RBPJ: variants seen among roughly 807,000 people sequenced by gnomAD.
RBPJ encodes the protein recombination signal binding protein for immunoglobulin kappa J region.
RBPJ carries 9 observed loss-of-function variants against 67.8 expected under a neutral mutation model. The ratio of observed to expected loss-of-function variants is 0.13; its 90% CI spans 0.08 to 0.23. The LOEUF is 0.23. Ranked by LOEUF, RBPJ falls within the 10% of genes least tolerant of loss-of-function variation. The probability of loss-of-function intolerance (pLI) is 1.00; values close to 1 mark genes in which losing one functional copy is unlikely to be tolerated. For synonymous variants in RBPJ, 198 were observed against 203.3 expected (o/e 0.97, Z 0.22); for missense variants, 305 against 595.6 (o/e 0.51, Z 5.08).
At chr4:26,330,681 G>A (rs1211635439) in intron 1 of RBPJ, among the ~76,000 whole-genome samples, 2 of 152,170 alleles carry the variant, frequency 1.3e-5, no homozygotes, top group Non-Finnish European at 2.9e-5. Flanking sequence ...TTAAAGTGAG[G>A]CATGATGGTT....
At chr4:26,401,886 TC>T (rs1732851985) in intron 2 of RBPJ, among the ~76,000 whole-genome samples, 1 of 148,850 alleles carries the variant, frequency 6.7e-6, no homozygotes, top group Non-Finnish European at 1.5e-5. Flanking sequence ...TTTCTTTCTT[TC>T]TTTTTTTTTT....
intron 1 of RBPJ, among the ~76,000 whole-genome samples, chr4:26,185,026 T>TAGCTACTCG (rs1717181509): frequency 6.6e-6 from 1 of 151,332 alleles, no homozygotes. Context: ...CCTGTAATCC[T>TAGCTACTCG]AGCTACTCGG....
chr4:26,279,608 C>G (rs548089013), intron 1 of RBPJ, among the ~76,000 whole-genome samples: 3 of 152,078 alleles, frequency 2.0e-5, no homozygotes, highest in East Asian at 1.9e-4. Flanking sequence ...CACAAATTCC[C>G]GTGGTTGCTT....
intron 1 of RBPJ, among the ~76,000 whole-genome samples, chr4:26,244,403 A>ATGTGTACACATG (rs1560226517): frequency 0.15 from 172 of 1,180 alleles, 50 homozygotes; most frequent in Non-Finnish European, 0.17. Context: ...GTATGCACAT[A>ATGTGTACACATG]TGTGTGTATA....
upstream of RBPJ, among the ~76,000 whole-genome samples, chr4:26,315,167 A>AAAAATATATATATATAT (rs1325689348): frequency 1.3e-5 from 1 of 74,764 alleles, no homozygotes; most frequent in African/African-American, 6.7e-5. Flanking sequence ...AAAAAAAAAA[A>AAAAATATATATATATAT]ATATATATAT....
intron 1 of RBPJ, among the ~76,000 whole-genome samples, chr4:26,223,154 C>CAA (rs549173084): frequency 7.8e-4 from 78 of 99,632 alleles, no homozygotes; most frequent in African/African-American, 1.7e-3. Context: ...GACACTGTCT[C>CAA]AAAAAAAAAA....
the RBPJ span, among the ~76,000 whole-genome samples, chr4:26,154,467 G>A: frequency 6.6e-6 from 1 of 152,160 alleles, no homozygotes; most frequent in African/African-American, 2.4e-5. Flanking sequence ...TTTTCTGCCT[G>A]CTCTTGCCCT....
upstream of RBPJ, chr4:26,319,826 T>C: frequency 1.3e-6 from 2 of 1,563,388 alleles, no homozygotes; most frequent in Non-Finnish European, 1.8e-6. Flanking sequence ...CGGGAGGCAG[T>C]GCTGGATCTG....
intron 1 of RBPJ, among the ~76,000 whole-genome samples, chr4:26,346,373 A>G (rs1014579804): frequency 6.6e-6 from 1 of 152,198 alleles, no homozygotes; most frequent in Admixed American, 6.5e-5. Context: ...TGGGTCAGGT[A>G]TGACGTTTAC....
rs7658865 is a variant in RBPJ at position 26,165,865 on chromosome 4, C to G, written c.-167+2251C>G. 1.2e-3 allele frequency among the ~76,000 whole-genome samples: 142 copies of G among 123,036 alleles called. 2 individuals carry two copies. The highest frequency in any genetic ancestry group is 4.5e-3 in the African/African-American group (133 of 29,310). 80.7% of individuals were successfully genotyped at this position (123,036 alleles called of 152,430 possible). The stretch of plus-strand genomic sequence containing the variant: ...ATGTCTCCTAATGCTATCCCTCCCC[C>G]CTCCCCCCACCCCACAACAGTCCCC... On this transcript the variant is annotated intron_variant, in intron 1 of 4. Coordinates refer to the RBPJ transcript ENST00000512351.
At chr4:26,160,191 TACAGGCGTGAGCC>T (rs939118168), upstream of RBPJ, among the ~76,000 whole-genome samples, 31 of 152,194 alleles carry the variant, frequency 2.0e-4, no homozygotes, top group Non-Finnish European at 4.3e-4. Flanking sequence ...GTGCTGGGAT[TACAGGCGTGAGCC>T]ACCGTGCCCA....
At chr4:26,270,405 GAAAGAAAGAAAGAAAGAAAGAAA>G (rs1720859648) in intron 1 of RBPJ, among the ~76,000 whole-genome samples, 3 of 58,842 alleles carry the variant, frequency 5.1e-5, no homozygotes, top group Non-Finnish European at 1.3e-4. Flanking sequence ...AAGAAAGAAA[GAAAGAAAGAAAGAAAGAAAGAAA>G]GAAAGAAAGA....
chr4:26,260,917 A>G (rs1160999755), intron 1 of RBPJ, among the ~76,000 whole-genome samples: 1 of 152,158 alleles, frequency 6.6e-6, no homozygotes, highest in Non-Finnish European at 1.5e-5. Flanking sequence ...ACTGCTTGCT[A>G]TAATTACTTT....
chr4:26,164,056 T>A (rs572701749), intron 1 of RBPJ, among the ~76,000 whole-genome samples: 1 of 152,386 alleles, frequency 6.6e-6, no homozygotes, highest in East Asian at 1.9e-4. Context: ...TTAGATGTTT[T>A]CTTTTAAATA....
Position 26,298,487 on chromosome 4 carries a change from C to T in RBPJ, c.-166-63959C>T, listed in dbSNP as rs530962940. 1.1e-4 allele frequency among the ~76,000 whole-genome samples: 17 copies of T among 152,194 alleles called. 1 individual carries two copies. In the South Asian group the frequency reaches 2.9e-3, roughly 26 times the overall value. ...ATGGGTTGCAGTTTTACAAACTCCA[C>T]GGGGGATCTGCACGAGATGGGCAAA... On this transcript the variant is annotated intron_variant, in intron 1 of 4. Transcript: ENST00000512351.
chr4:26,285,433 T>C (rs913176978), intron 1 of RBPJ, among the ~76,000 whole-genome samples: 1 of 152,076 alleles, frequency 6.6e-6, no homozygotes, highest in African/African-American at 2.4e-5. Context: ...TCCTGCCACC[T>C]CTAGTATAAG....
At chr4:26,224,537 C>T (rs1205890461) in intron 1 of RBPJ, among the ~76,000 whole-genome samples, 4 of 152,042 alleles carry the variant, frequency 2.6e-5, no homozygotes, top group Admixed American at 6.6e-5. Flanking sequence ...AGGAACTTCC[C>T]GCAACAGACA....
chr4:26,196,462 T>C (rs1003723709), intron 1 of RBPJ, among the ~76,000 whole-genome samples: 5 of 152,128 alleles, frequency 3.3e-5, no homozygotes, highest in African/African-American at 9.7e-5. Context: ...TGCTCGTGGG[T>C]ATGGGATTCC....
intron 1 of RBPJ, among the ~76,000 whole-genome samples, chr4:26,311,274 C>G (rs143992080): frequency 9.5e-4 from 144 of 152,122 alleles, no homozygotes; most frequent in African/African-American, 3.2e-3. Flanking sequence ...CGGTGGCTCA[C>G]GCCTGTAATC....
Sources: gnomAD v4.1 joint callset for allele counts (sites outside exome capture counted in the v4.1 genomes callset) on GRCh38, gnomAD v4.1.1 for gene constraint, MANE v1.5 for transcripts, NCBI Gene and HGNC (gene_info 2026-07-23, HGNC 2026-07-21) for gene names.